Variants in CNKSR2 observed in about 807,000 individuals in gnomAD.
The protein encoded by CNKSR2 is CNK homolog protein 2.
A neutral mutation model predicts 84.4 loss-of-function variants in CNKSR2; 14 were observed. The ratio of observed to expected loss-of-function variants is 0.17; its 90% CI spans 0.11 to 0.26. CNKSR2 has a LOEUF of 0.26. CNKSR2 is among the 10% of genes least tolerant of loss of function. The pLI is 1.00. For missense variants in CNKSR2, 485 were observed against 771.2 expected (o/e 0.63, Z 4.40); for synonymous variants, 275 against 277.9 (o/e 0.99, Z 0.10).
intron 9 of CNKSR2, among the ~76,000 whole-genome samples, chrX:21,520,792 A>G (rs188877197): frequency 1.8e-5 from 2 of 109,918 alleles, no homozygotes; most frequent in African/African-American, 3.3e-5. Context: ...TTTTATATAA[A>G]ATAACATCAA....
At chrX:21,612,566 C>T (rs2092555855) in intron 20 of CNKSR2, among the ~76,000 whole-genome samples, 1 of 111,755 alleles carries the variant, frequency 8.9e-6, no homozygotes, top group South Asian at 3.7e-4. Context: ...TATCAGGTGG[C>T]CAAAAGAAAT....
chrX:21,512,736 G>A (rs185931872), intron 8 of CNKSR2, among the ~76,000 whole-genome samples: 1 of 109,807 alleles, frequency 9.1e-6, no homozygotes. Flanking sequence ...CCCGACTTTA[G>A]AGGATGATAG....
chrX:21,534,986 A>T, intron 11 of CNKSR2, among the ~76,000 whole-genome samples: 1 of 110,646 alleles, frequency 9.0e-6, no homozygotes, highest in Non-Finnish European at 1.9e-5. Context: ...TCCCCTGTGT[A>T]TTCTTCTAGT....
chrX:21,558,062 G>A (rs1204087076), intron 11 of CNKSR2, among the ~76,000 whole-genome samples: 1 of 111,289 alleles, frequency 9.0e-6, no homozygotes, highest in Non-Finnish European at 1.9e-5. Context: ...TTTACCAACA[G>A]CACTAAAACA....
At chrX:21,543,271 G>A (rs999513205) in intron 11 of CNKSR2, among the ~76,000 whole-genome samples, 3 of 112,531 alleles carry the variant, frequency 2.7e-5, no homozygotes, top group African/African-American at 9.7e-5. Context: ...AAATTTTTGT[G>A]TTCAAGTAAA....
intron 5 of CNKSR2, 92 bp downstream of exon 5, chrX:21,470,899 C>A: frequency 2.4e-6 from 1 of 419,171 alleles, no homozygotes; most frequent in African/African-American, 2.5e-5. Context: ...AATCTACTGA[C>A]CACATCAGTT....
chrX:21,376,529 T>C (rs1020481980), intron 1 of CNKSR2, among the ~76,000 whole-genome samples: 3 of 111,759 alleles, frequency 2.7e-5, no homozygotes, highest in African/African-American at 9.8e-5. Flanking sequence ...GTGGCTCATC[T>C]TTGCTGCTGC....
At chrX:21,545,099 C>G (rs1047328996) in intron 11 of CNKSR2, among the ~76,000 whole-genome samples, 3 of 111,324 alleles carry the variant, frequency 2.7e-5, no homozygotes, top group African/African-American at 9.8e-5. Context: ...CTCAGTGGAT[C>G]CCACCCCGAC....
intron 13 of CNKSR2, 130 bp from the exon 14 acceptor site, chrX:21,590,442 G>T: frequency 4.2e-6 from 2 of 472,635 alleles, no homozygotes; most frequent in Non-Finnish European, 6.8e-6. Flanking sequence ...TTGAGGCTTT[G>T]TGGGGAAAAA....
At chrX:21,576,807 C>A (rs1762045646) in intron 13 of CNKSR2, among the ~76,000 whole-genome samples, 1 of 111,569 alleles carries the variant, frequency 9.0e-6, no homozygotes, top group African/African-American at 3.3e-5. Context: ...TGAAATATAT[C>A]TGAATAGTTA....
intron 11 of CNKSR2, among the ~76,000 whole-genome samples, chrX:21,534,795 C>T (rs2091913478): frequency 1.8e-5 from 2 of 110,955 alleles, no homozygotes; most frequent in African/African-American, 6.5e-5. Context: ...TCTTTTATTG[C>T]TGTTGAGTTG....
chrX:21,483,237 T>TA (rs937474595), intron 5 of CNKSR2, among the ~76,000 whole-genome samples: 78 of 111,204 alleles, frequency 7.0e-4, no homozygotes, highest in Admixed American at 1.3e-3. Context: ...TATGCAGCCA[T>TA]AAAAAATGAT....
chrX:21,566,219 T>C (rs1459929004), intron 13 of CNKSR2, among the ~76,000 whole-genome samples: 3 of 112,187 alleles, frequency 2.7e-5, no homozygotes, highest in Non-Finnish European at 1.9e-5. Flanking sequence ...AGGGGAAACA[T>C]ACTGAGCTGC....
intron 9 of CNKSR2, among the ~76,000 whole-genome samples, chrX:21,518,260 C>T (rs2091748568): frequency 9.0e-6 from 1 of 110,516 alleles, no homozygotes; most frequent in Non-Finnish European, 1.9e-5. Flanking sequence ...CCATGTCTTC[C>T]CTAAAGATCC....
At chrX:21,480,940 G>A (rs968091730) in intron 5 of CNKSR2, among the ~76,000 whole-genome samples, 2 of 111,977 alleles carry the variant, frequency 1.8e-5, no homozygotes, top group Non-Finnish European at 3.8e-5. Context: ...GGTTAAGCAC[G>A]CAGGAACTGA....
At chrX:21,531,120 GAAT>G (rs929056374) in intron 10 of CNKSR2, among the ~76,000 whole-genome samples, 18 of 110,929 alleles carry the variant, frequency 1.6e-4, no homozygotes, top group African/African-American at 5.9e-4. Context: ...TGAATACTGA[GAAT>G]AATTCTTTTA....
chrX:21,457,778 C>T (rs1320925922), intron 4 of CNKSR2, among the ~76,000 whole-genome samples: 2 of 111,540 alleles, frequency 1.8e-5, no homozygotes, highest in Non-Finnish European at 3.8e-5. Context: ...CATCTTAATT[C>T]AGCTGCTTTT....
At chrX:21,434,809 A>G (rs1463284865) in intron 3 of CNKSR2, among the ~76,000 whole-genome samples, 1 of 109,779 alleles carries the variant, frequency 9.1e-6, no homozygotes. Context: ...ATAGGTTAAA[A>G]AAAATCTTTA....
chrX:21,445,038 A>G (rs750240912), intron 4 of CNKSR2, among the ~76,000 whole-genome samples: 2 of 111,527 alleles, frequency 1.8e-5, no homozygotes, highest in South Asian at 7.5e-4. Flanking sequence ...TTGAAAGCAT[A>G]TGAAAAGCCT....
Sources: allele counts gnomAD v4.1 joint callset (sites outside exome capture counted in the v4.1 genomes callset), GRCh38; gene constraint gnomAD v4.1.1; transcripts MANE v1.5; gene names NCBI Gene and HGNC (gene_info 2026-07-23, HGNC 2026-07-21).